LONRF3: variants seen among roughly 807,000 people sequenced by gnomAD.
LONRF3 encodes LON peptidase N-terminal domain and ring finger 3.
LONRF3 carries 19 observed loss-of-function variants against 51.7 expected under a neutral mutation model. The observed-to-expected ratio is 0.37, with a 90% CI of 0.26 to 0.54. The LOEUF (loss-of-function observed/expected upper bound fraction) is 0.54. Among genes scored for constraint, LONRF3 ranks in the 20% least tolerant of loss-of-function variants. The probability of loss-of-function intolerance (pLI) is 0.86; values close to 1 mark genes in which losing one functional copy is unlikely to be tolerated. For synonymous variants in LONRF3, 265 were observed against 257.8 expected (o/e 1.03, Z -0.27); for missense variants, 521 against 623.9 (o/e 0.84, Z 1.76).
rs745455165 is a variant in LONRF3 at position 119,012,861 on chromosome X, AT to A, written c.1812-170del. Reference sequence around the variant, plus strand: ...TAGCAGTTACACGAATACATTACGAATTTTTTTTCTTCACACAGGCACTGCC... The same window carrying A: ...TAGCAGTTACACGAATACATTACGAATTTTTTTCTTCACACAGGCACTGCC... On this transcript the variant is annotated intron_variant, in intron 8 of 10. Transcript: ENST00000371628. 4.3e-5 allele frequency: 50 copies of A among 1,173,813 alleles called. No homozygotes were observed. The East Asian group carries it at 6.0e-4, about 14-fold the overall frequency.
At chrX:119,005,154 G>A (rs1366371803) in intron 5 of LONRF3, among the ~76,000 whole-genome samples, 3 of 111,527 alleles carry the variant, frequency 2.7e-5, no homozygotes, top group East Asian at 2.8e-4. Flanking sequence ...ACTCTCCACT[G>A]AACACTCTTG....
intron 7 of LONRF3, among the ~76,000 whole-genome samples, chrX:119,009,660 C>A (rs1924969550): frequency 8.9e-6 from 1 of 112,028 alleles, no homozygotes. Context: ...AGACCCAGTT[C>A]TACCTCAAAG....
chrX:119,013,766 A>G (rs1038117392), intron 9 of LONRF3, among the ~76,000 whole-genome samples: 2 of 112,065 alleles, frequency 1.8e-5, no homozygotes, highest in African/African-American at 6.5e-5. Flanking sequence ...TACATAGTAG[A>G]TTAATAAATA....
At chrX:119,008,142 G>C (rs1924858742) in intron 6 of LONRF3, among the ~76,000 whole-genome samples, 1 of 111,417 alleles carries the variant, frequency 9.0e-6, no homozygotes, top group Admixed American at 9.5e-5. Context: ...CAGGACTTGG[G>C]GTCTAGAAGA....
intron 3 of LONRF3, among the ~76,000 whole-genome samples, chrX:118,988,103 C>T (rs757921906): frequency 7.6e-4 from 84 of 111,118 alleles, no homozygotes; most frequent in Admixed American, 1.2e-3. Context: ...CCATTCATGC[C>T]CGGTGTTCTT....
Position 118,975,594 on chromosome X carries a change from T to A in LONRF3, c.814T>A (p.Leu272Met), listed in dbSNP as rs375572359. Residue 272 changes from leucine (L) to methionine (M), a missense_variant, in exon 1 of 11, where the codon TTG becomes ATG. This residue lies in a region of LONRF3 where 376 missense variants were observed against 376.7 expected (regional missense o/e 1.00). Coordinates refer to ENST00000371628, the MANE Select transcript of LONRF3 (RefSeq NM_001031855.3). The stretch of plus-strand genomic sequence containing the variant: ...GCTCAAGTACAACGAGGCAGTTAAG[T>A]TGGGTGAGTCCAACGCGCTGCCGGG... Reference protein sequence around the residue: ...ALLKYNEAVKLAPNDHLLYSN... With the variant: ...ALLKYNEAVKMAPNDHLLYSN... The A allele has an allele frequency of 1.7e-6, 2 of 1,159,874 alleles. No individual in the cohort carries two copies. Among genetic ancestry groups the A allele is most frequent in the African/African-American group, 1.8e-5 (1 of 54,171 alleles).
At chrX:118,981,782 C>T (rs964873449) in intron 2 of LONRF3, among the ~76,000 whole-genome samples, 1 of 111,934 alleles carries the variant, frequency 8.9e-6, no homozygotes, top group Non-Finnish European at 1.9e-5. Flanking sequence ...GCCTCTGCAG[C>T]GAGGCCATAG....
At chrX:118,982,771 G>A in intron 2 of LONRF3, 50 bp from the exon 3 acceptor site, 1 of 1,202,011 alleles carries the variant, frequency 8.3e-7, no homozygotes, top group Non-Finnish European at 1.1e-6. Flanking sequence ...TAGAGCAGTA[G>A]TGTTAATAGG....
At chrX:118,996,207 A>C (rs1450596388) in intron 5 of LONRF3, among the ~76,000 whole-genome samples, 2 of 111,506 alleles carry the variant, frequency 1.8e-5, no homozygotes, top group Non-Finnish European at 3.8e-5. Flanking sequence ...GGTTTGTCAT[A>C]ATACTGAACG....
Position 118,975,005 on chromosome X carries a change from C to T in LONRF3, c.225C>T (p.Asp75=), listed in dbSNP as rs1368661873. 3 of 1,171,835 alleles carry T rather than the reference C, an allele frequency of 2.6e-6. No homozygotes were observed. Among genetic ancestry groups the T allele is most frequent in the East Asian group, 6.4e-5 (2 of 31,149 alleles). The change falls in exon 1 of 11, where the codon GAC becomes GAT. Residue 75 remains aspartate (D), a synonymous_variant. Coordinates refer to ENST00000371628, the MANE Select transcript of LONRF3 (RefSeq NM_001031855.3). ...GCAAAGTCCTGCTCACGCAGGCAGA[C>T]GCCTTGGCGTCCCGGGGGCGAATCC... is the stretch of plus-strand genomic sequence containing the variant. ...PESKVLLTQA[D]ALASRGRIRE...
At chrX:118,997,878 GCAT>G (rs760551153) in intron 5 of LONRF3, among the ~76,000 whole-genome samples, 21 of 112,663 alleles carry the variant, frequency 1.9e-4, no homozygotes, top group African/African-American at 6.4e-4. Flanking sequence ...GAAATGCTCA[GCAT>G]CACTAATGAT....
At chrX:118,982,320 A>C (rs1922624449) in intron 2 of LONRF3, among the ~76,000 whole-genome samples, 1 of 111,652 alleles carries the variant, frequency 9.0e-6, no homozygotes, top group Admixed American at 9.5e-5. Context: ...TGGAGAGGTC[A>C]GATCCCTTCT....
chrX:118,987,968 A>G (rs1279111922), intron 3 of LONRF3, among the ~76,000 whole-genome samples: 1 of 111,630 alleles, frequency 9.0e-6, no homozygotes, highest in Non-Finnish European at 1.9e-5. Flanking sequence ...CACAAGAGAG[A>G]TGGGTTCCAG....
At chrX:119,012,229 G>T (rs1925159566) in intron 8 of LONRF3, among the ~76,000 whole-genome samples, 1 of 108,741 alleles carries the variant, frequency 9.2e-6, no homozygotes, top group Non-Finnish European at 1.9e-5. Flanking sequence ...GTGGGCCTTG[G>T]AGTCAAACTG....
chrX:118,975,608 C>T lies in LONRF3; in HGVS notation c.817+11C>T, dbSNP rs766342878. On this transcript the variant is annotated intron_variant, in intron 1 of 10. Transcript: ENST00000371628. ...AGGCAGTTAAGTTGGGTGAGTCCAA[C>T]GCGCTGCCGGGCCGGGGCTGGGGCT... The T allele has an allele frequency of 1.2e-5, 13 of 1,124,761 alleles. No individual in the cohort carries two copies. In the East Asian group the frequency reaches 4.3e-4, roughly 37 times the overall value. 92.7% of individuals were successfully genotyped at this position (1,124,761 alleles called of 1,213,427 possible).
intron 4 of LONRF3, among the ~76,000 whole-genome samples, chrX:118,990,254 C>T (rs1351044512): frequency 8.9e-6 from 1 of 111,862 alleles, no homozygotes; most frequent in Non-Finnish European, 1.9e-5. Context: ...CATTGTTTGA[C>T]TTGCATTTCT....
chrX:119,006,377 A>G lies in LONRF3; in HGVS notation c.1530+142A>G, dbSNP rs1924706060. Reference sequence around the variant, plus strand: ...GTGGTAGGGCACATTACTCCCTCAAACCATCTATTTCTCCTGTCTTCTTTT... The same window carrying G: ...GTGGTAGGGCACATTACTCCCTCAAGCCATCTATTTCTCCTGTCTTCTTTT... On this transcript the variant is annotated intron_variant, in intron 6 of 10. Coordinates refer to ENST00000371628, the MANE Select transcript of LONRF3 (RefSeq NM_001031855.3). 9.1e-6 allele frequency: 3 copies of G among 331,075 alleles called. No individual in the cohort carries two copies. The Admixed American group carries it at 1.5e-4, about 17-fold the overall frequency. 27.3% of individuals were successfully genotyped at this position (331,075 alleles called of 1,213,427 possible).
intron 5 of LONRF3, among the ~76,000 whole-genome samples, chrX:118,993,999 C>T (rs1362474248): frequency 1.8e-5 from 2 of 111,918 alleles, no homozygotes; most frequent in Non-Finnish European, 3.8e-5. Flanking sequence ...TAGCAAGCTA[C>T]CACTACAAAA....
In LONRF3 at chrX:118,979,355, G is replaced by A. The variant is rs191337055; in HGVS notation, c.936+892G>A. On this transcript the variant is annotated intron_variant, in intron 2 of 10. Coordinates refer to ENST00000371628, the MANE Select transcript of LONRF3 (RefSeq NM_001031855.3). ...GCCACTCACACTGGAGTGCAGTGGC[G>A]TGATCTCAGCTCACTGCAACCTCCG... Among the ~76,000 whole-genome samples the A allele has an allele frequency of 3.8e-3, 414 of 108,074 alleles. 2 individuals carry two copies. Among genetic ancestry groups the A allele is most frequent in the African/African-American group, 0.014 (398 of 29,461 alleles). The allele number at this position is 108,074 out of a possible 115,157, so 93.8% of individuals were successfully genotyped here. A position where few individuals can be genotyped will look rare whatever the true frequency, so the allele number is the denominator to read the frequency against.
Sources: gnomAD v4.1 joint callset for allele counts (sites outside exome capture counted in the v4.1 genomes callset) on GRCh38, gnomAD v4.1.1 for gene constraint, gnomAD v4.1.1 regional missense constraint, MANE v1.5 for transcripts, NCBI Gene and HGNC (gene_info 2026-07-23, HGNC 2026-07-21) for gene names.